The following TUBGCP5 variants were observed in gnomAD, a reference collection of about 807,000 sequenced individuals.
TUBGCP5 encodes tubulin gamma complex component 5, also known as gamma-tubulin complex component 5.
Under a neutral mutation model 134.7 loss-of-function variants are expected in TUBGCP5, and 98 were observed. The observed-to-expected ratio is 0.73, with a 90% CI of 0.62 to 0.86. The LOEUF (loss-of-function observed/expected upper bound fraction) is 0.86, where lower values mean the gene tolerates loss of function less well. Among genes scored for constraint, TUBGCP5 ranks in the 40% least tolerant of loss-of-function variants. TUBGCP5 has a pLI of 0.00. For synonymous variants in TUBGCP5, 456 were observed against 431.4 expected, an observed-to-expected ratio of 1.06 and a Z score of -0.71; for missense variants, 1,150 against 1,244.8, an observed-to-expected ratio of 0.92 and a Z score of 1.15.
At chr15:23,001,296 GC>G (rs2064357554) in intron 21 of TUBGCP5, among the ~76,000 whole-genome samples, 1 of 151,134 alleles carries the variant, frequency 6.6e-6, no homozygotes, top group East Asian at 1.9e-4. Flanking sequence ...GCCCCCACTG[GC>G]CTCCCAAAGT....
intron 13 of TUBGCP5, 44 bp downstream of exon 13, chr15:23,017,729 G>A: frequency 8.3e-6 from 13 of 1,572,162 alleles, no homozygotes; most frequent in Non-Finnish European, 1.0e-5. Flanking sequence ...AGTAGGGTCA[G>A]GTGTCCCAAC....
intron 12 of TUBGCP5, 101 bp downstream of exon 12, chr15:23,019,118 C>A: frequency 1.3e-6 from 1 of 782,650 alleles, no homozygotes; most frequent in Admixed American, 2.5e-5. Flanking sequence ...GTGAACTGTG[C>A]TTTCTCAGTA....
chr15:23,000,418 T>A (rs1294521168), intron 22 of TUBGCP5, 151 bp downstream of exon 22: 5 of 1,416,678 alleles, frequency 3.5e-6, no homozygotes, highest in Non-Finnish European at 1.8e-6. Context: ...TAAAAAGCAA[T>A]TCAAAGCATG....
chr15:23,009,870 G>A (rs2064934117), intron 15 of TUBGCP5, 75 bp downstream of exon 15: 1 of 1,385,532 alleles, frequency 7.2e-7, no homozygotes, highest in Admixed American at 2.2e-5. Flanking sequence ...ATTGAAATAG[G>A]TTTTAAAATA....
At position 23,009,929 on chromosome 15, in the gene TUBGCP5, T is replaced by G. The variant is rs368868001; in HGVS notation, c.2144+16A>C. ...ATCAACTATTTACTACTTCCAAAAT[T>G]AAATTACTCTTTTACCTGTAATCTT... On this transcript the variant is annotated intron_variant, in intron 15 of 22. Coordinates refer to ENST00000615383, the MANE Select transcript of TUBGCP5 (RefSeq NM_052903.6). 1.1e-4 allele frequency: 175 copies of G among 1,602,188 alleles called. No individual in the cohort carries two copies. Among genetic ancestry groups the G allele is most frequent in the Non-Finnish European group, 1.3e-4 (158 of 1,173,846 alleles).
intron 11 of TUBGCP5, among the ~76,000 whole-genome samples, chr15:23,021,357 A>G (rs889578273): frequency 6.6e-6 from 1 of 151,940 alleles, no homozygotes; most frequent in African/African-American, 2.4e-5. Flanking sequence ...TAATTTAACT[A>G]ATTTTTTAAA....
At chr15:22,988,948 G>A (rs1329250443) in intron 23 of TUBGCP5, among the ~76,000 whole-genome samples, 2 of 151,634 alleles carry the variant, frequency 1.3e-5, no homozygotes, top group African/African-American at 4.8e-5. Flanking sequence ...TGGTGTAGAG[G>A]CCACTCACAT....
chr15:23,001,194 C>T (rs2064351083), intron 21 of TUBGCP5, among the ~76,000 whole-genome samples: 1 of 151,970 alleles, frequency 6.6e-6, no homozygotes, highest in Non-Finnish European at 1.5e-5. Flanking sequence ...AGATGCCCAC[C>T]ACCATGTCTG....
In TUBGCP5 at chr15:23,013,828, A is replaced by G. The variant is rs536053128; in HGVS notation, c.1757-2497T>C. On this transcript the variant is annotated intron_variant, in intron 13 of 22. Transcript: ENST00000615383. This position sits in a 1 kb window ranked among gnomAD's most constrained non-coding sequence, Gnocchi z 4.5. Reference sequence around the variant, plus strand: ...CAGCATGGCACCATCTTCAGACCAGAGCCACCTCTGGAGCACGCCCTCCTC... The same window carrying G: ...CAGCATGGCACCATCTTCAGACCAGGGCCACCTCTGGAGCACGCCCTCCTC... Among the ~76,000 whole-genome samples, 1 of 152,170 alleles carries G rather than the reference A, an allele frequency of 6.6e-6. No homozygotes were observed. The highest frequency in any genetic ancestry group is 2.1e-4 in the South Asian group (1 of 4,822).
chr15:22,988,680 G>T (rs1303225408), intron 23 of TUBGCP5, among the ~76,000 whole-genome samples: 1 of 150,024 alleles, frequency 6.7e-6, no homozygotes, highest in East Asian at 2.0e-4. Flanking sequence ...AGCTTGCAGT[G>T]AGCCGAGATC....
Position 23,039,471 on chromosome 15 carries a change from C to G in TUBGCP5, c.73G>C (p.Gly25Arg), listed in dbSNP as rs1322016594. The G allele has an allele frequency of 1.9e-6, 3 of 1,542,994 alleles. No individual in the cohort carries two copies. The East Asian group carries it at 7.7e-5, about 40-fold the overall frequency. The change falls in exon 1 of 23, where the codon GGT becomes CGT. Residue 25 changes from glycine to arginine, a missense_variant. Around this residue, in one of 2 missense-constraint regions of TUBGCP5, gnomAD observed 453 missense variants for 394.7 expected, o/e 1.15. Coordinates refer to ENST00000615383, the MANE Select transcript of TUBGCP5 (RefSeq NM_052903.6). ...GCCTCGTCCTGGAGGCCGGCGACAC[C>G]CCGGACGAGCTCCCGCACGTCGCGC... is the stretch of plus-strand genomic sequence containing the variant. The part of the protein sequence containing the change: ...QERDVRELVR[G>R]VAGLQDEADP...
At chr15:23,021,586 A>G (rs1208744053) in intron 11 of TUBGCP5, among the ~76,000 whole-genome samples, 1 of 152,160 alleles carries the variant, frequency 6.6e-6, no homozygotes. Flanking sequence ...CCATTAAACA[A>G]CAGCTCCCCA....
At chr15:23,003,964 T>C in intron 20 of TUBGCP5, 138 bp downstream of exon 20, 1 of 1,185,550 alleles carries the variant, frequency 8.4e-7, no homozygotes, top group Non-Finnish European at 1.1e-6. Flanking sequence ...GGGGCATTTG[T>C]TTGTAACCTC....
chr15:23,016,970 A>ATATGTG, intron 13 of TUBGCP5, among the ~76,000 whole-genome samples: 1 of 89,658 alleles, frequency 1.1e-5, no homozygotes, highest in African/African-American at 7.4e-5. Flanking sequence ...AAATTGTGAG[A>ATATGTG]TATATATATA....
At position 23,024,836 on chromosome 15, in the gene TUBGCP5, A is replaced by G; in HGVS notation, c.828-6T>C. ...TTTTCACTCCTGAAAGTAACCTGAA[A>G]TGAGATTAAAAAAAGACGAGTGTAC... On this transcript the variant is annotated splice_polypyrimidine_tract_variant and splice_region_variant and intron_variant, in intron 8 of 22. Transcript: ENST00000615383. 1 of 1,514,876 alleles carries G rather than the reference A, an allele frequency of 6.6e-7. No individual in the cohort carries two copies. Among genetic ancestry groups the G allele is most frequent in the Non-Finnish European group, 9.1e-7 (1 of 1,099,482 alleles). The allele number at this position is 1,514,876 out of a possible 1,614,324, so 93.8% of individuals were successfully genotyped here. A position where few individuals can be genotyped will look rare whatever the true frequency, so the allele number is the denominator to read the frequency against.
At chr15:23,037,368 C>G (rs910476378) in intron 1 of TUBGCP5, among the ~76,000 whole-genome samples, 3 of 152,142 alleles carry the variant, frequency 2.0e-5, no homozygotes, top group Non-Finnish European at 4.4e-5. Flanking sequence ...CAGGTTCTTC[C>G]TGACCCTCCC....
chr15:23,039,111 G>A (rs1482733398), intron 1 of TUBGCP5, among the ~76,000 whole-genome samples: 1 of 151,984 alleles, frequency 6.6e-6, no homozygotes, highest in African/African-American at 2.4e-5. Flanking sequence ...CTCCCAGAGC[G>A]CTGGGGTTGC....
intron 13 of TUBGCP5, among the ~76,000 whole-genome samples, chr15:23,012,643 T>TG (rs2065101171): frequency 6.6e-6 from 1 of 152,212 alleles, no homozygotes; most frequent in South Asian, 2.1e-4. Context: ...CCTGACCTCG[T>TG]GATCTGCCTG....
chr15:23,026,515 C>A (rs1176542231), intron 7 of TUBGCP5, among the ~76,000 whole-genome samples: 1 of 151,842 alleles, frequency 6.6e-6, no homozygotes, highest in African/African-American at 2.4e-5. Flanking sequence ...CAAATAATGC[C>A]CTAATATATA....
Sources: gnomAD v4.1 joint callset for allele counts (sites outside exome capture counted in the v4.1 genomes callset) on GRCh38, gnomAD v4.1.1 for gene constraint, gnomAD v4.1.1 regional missense constraint, Gnocchi (gnomAD v3.1) non-coding constraint, MANE v1.5 for transcripts, NCBI Gene and HGNC (gene_info 2026-07-23, HGNC 2026-07-21) for gene names.